The following ATP9A variants were observed in gnomAD, a reference collection of about 807,000 sequenced individuals.
The protein encoded by ATP9A is ATPase phospholipid transporting 9A.
ATP9A carries 52 observed loss-of-function variants against 144.1 expected under a neutral mutation model. The ratio of observed to expected loss-of-function variants is 0.36; its 90% confidence interval spans 0.29 to 0.45. The LOEUF is 0.45. Among genes scored for constraint, ATP9A ranks in the 20% least tolerant of loss-of-function variants. The probability of loss-of-function intolerance (pLI) is 1.00; values close to 1 mark genes in which losing one functional copy is unlikely to be tolerated. For missense variants in ATP9A, 947 were observed against 1,392.7 expected, an observed-to-expected ratio of 0.68 and a Z score of 5.09; for synonymous variants, 582 against 557.4, an observed-to-expected ratio of 1.04 and a Z score of -0.62.
At chr20:51,613,294 C>T (rs1367751251) in intron 23 of ATP9A, among the ~76,000 whole-genome samples, 1 of 152,182 alleles carries the variant, frequency 6.6e-6, no homozygotes, top group Non-Finnish European at 1.5e-5. Flanking sequence ...TCTTTCACTC[C>T]AGCAAACAAA....
chr20:51,642,233 C>A (rs1327579634), intron 14 of ATP9A, among the ~76,000 whole-genome samples: 1 of 151,962 alleles, frequency 6.6e-6, no homozygotes, highest in Non-Finnish European at 1.5e-5. Context: ...CGGCTCATTG[C>A]AACCTCCACC....
At chr20:51,649,055 A>G (rs2077353476) in intron 14 of ATP9A, among the ~76,000 whole-genome samples, 1 of 152,092 alleles carries the variant, frequency 6.6e-6, no homozygotes, top group Non-Finnish European at 1.5e-5. Flanking sequence ...TCCCCAGATG[A>G]GAAAAGAGGG....
At chr20:51,660,115 C>T (rs1222338211) in intron 13 of ATP9A, among the ~76,000 whole-genome samples, 4 of 152,162 alleles carry the variant, frequency 2.6e-5, no homozygotes, top group Non-Finnish European at 2.9e-5. Flanking sequence ...GTTCTAGCCA[C>T]GAACACGTGT....
At chr20:51,629,116 C>G in intron 15 of ATP9A, 44 bp from the exon 16 acceptor site, 1 of 1,501,896 alleles carries the variant, frequency 6.7e-7, no homozygotes, top group Non-Finnish European at 9.3e-7. Context: ...AAAGGAACAC[C>G]CTCTTTCAGC....
intron 21 of ATP9A, among the ~76,000 whole-genome samples, chr20:51,617,997 A>G (rs2077210383): frequency 6.6e-6 from 1 of 152,204 alleles, no homozygotes; most frequent in African/African-American, 2.4e-5. Flanking sequence ...AGGCAGGCAG[A>G]TCACCTGAGG....
At chr20:51,719,058 G>A (rs1234539453) in intron 3 of ATP9A, among the ~76,000 whole-genome samples, 1 of 151,390 alleles carries the variant, frequency 6.6e-6, no homozygotes, top group Non-Finnish European at 1.5e-5. Context: ...AACCCGGGAG[G>A]TGGAGGATGC....
At chr20:51,668,951 C>T (rs1333807506) in intron 13 of ATP9A, among the ~76,000 whole-genome samples, 1 of 152,204 alleles carries the variant, frequency 6.6e-6, no homozygotes, top group African/African-American at 2.4e-5. Context: ...CTGCCTTTAA[C>T]CTGTATACAG....
At chr20:51,709,092 T>C (rs1445671485) in intron 4 of ATP9A, among the ~76,000 whole-genome samples, 2 of 152,258 alleles carry the variant, frequency 1.3e-5, no homozygotes, top group African/African-American at 2.4e-5. Flanking sequence ...CTGTGTTATA[T>C]AAGAGAAACG....
intron 15 of ATP9A, among the ~76,000 whole-genome samples, chr20:51,638,699 T>C (rs1336162349): frequency 6.6e-6 from 1 of 152,050 alleles, no homozygotes; most frequent in East Asian, 1.9e-4. Flanking sequence ...CCTGTATCTA[T>C]AAAAAATTAA....
chr20:51,625,817 T>A (rs1471757638), intron 17 of ATP9A, among the ~76,000 whole-genome samples: 1 of 152,216 alleles, frequency 6.6e-6, no homozygotes, highest in Non-Finnish European at 1.5e-5. Flanking sequence ...AACTGCCGCT[T>A]CTTCTCTTTA....
At chr20:51,635,799 G>A (rs1396339197) in intron 15 of ATP9A, among the ~76,000 whole-genome samples, 2 of 12,674 alleles carry the variant, frequency 1.6e-4, no homozygotes, top group African/African-American at 2.5e-4. Flanking sequence ...CAGAGGAGGG[G>A]AGGAGGAAGG....
chr20:51,614,769 G>A (rs947297638), intron 22 of ATP9A, among the ~76,000 whole-genome samples: 3 of 152,096 alleles, frequency 2.0e-5, no homozygotes, highest in Admixed American at 1.3e-4. Flanking sequence ...ACTGTGTGCC[G>A]TGAGACACTA....
chr20:51,762,748 T>C (rs992057014), intron 1 of ATP9A, among the ~76,000 whole-genome samples: 23 of 146,308 alleles, frequency 1.6e-4, no homozygotes, highest in African/African-American at 5.8e-4. Flanking sequence ...CTCACTCTGT[T>C]GCCGAGGCTG....
Position 51,712,990 on chromosome 20 carries a change from C to G in ATP9A, c.412G>C (p.Val138Leu), listed in dbSNP as rs1293781933. ...YVRDKEVNSQVYSRLTARGTV... is the reference protein window; with the variant it reads ...YVRDKEVNSQLYSRLTARGTV... ...CCTCGTGCTGTGAGCCGGCTGTAGA[C>G]CTGGGAGTTGACTTCCTTGTCCCGC... Residue 138 changes from valine (V) to leucine (L), a missense_variant, in exon 4 of 28, where the codon GTC becomes CTC. Val to Leu is a conservative substitution (Grantham distance 32). This residue lies in a region of ATP9A where 770 missense variants were observed against 1,047.9 expected (regional missense o/e 0.73). Coordinates refer to ENST00000338821, the MANE Select transcript of ATP9A (RefSeq NM_006045.3). 6.2e-7 allele frequency: 1 copy of G among 1,612,508 alleles called. No homozygotes were observed. The highest frequency in any genetic ancestry group is 8.5e-7 in the Non-Finnish European group (1 of 1,179,356).
chr20:51,604,216 G>A (rs1371227837), intron 27 of ATP9A, among the ~76,000 whole-genome samples: 1 of 152,178 alleles, frequency 6.6e-6, no homozygotes, highest in Non-Finnish European at 1.5e-5. Context: ...TTCCCAACGA[G>A]AAGGGCAGCT....
At position 51,611,634 on chromosome 20, in the gene ATP9A, T is replaced by G. The variant is rs1432763679; in HGVS notation, c.2572-1469A>C. ...CAATGCCTCATCCTGGAATTCTTTT[T>G]CTACATCAATGTTAACAGTAACATC... On this transcript the variant is annotated intron_variant, in intron 23 of 27. Transcript: ENST00000338821. The surrounding 1 kb of genome is among the most constrained non-coding windows in gnomAD (Gnocchi z 4.2). Among the ~76,000 whole-genome samples, 2 of 152,202 alleles carry G rather than the reference T, an allele frequency of 1.3e-5. No individual in the cohort carries two copies. The highest frequency in any genetic ancestry group is 1.3e-4 in the Admixed American group (2 of 15,280).
intron 1 of ATP9A, among the ~76,000 whole-genome samples, chr20:51,753,111 A>G (rs1289907297): frequency 6.6e-6 from 1 of 151,718 alleles, no homozygotes; most frequent in Non-Finnish European, 1.5e-5. Flanking sequence ...TCAAAAAAAA[A>G]AAGAAAGAAA....
At chr20:51,659,498 A>G (rs1022749945) in intron 13 of ATP9A, among the ~76,000 whole-genome samples, 1 of 152,238 alleles carries the variant, frequency 6.6e-6, no homozygotes, top group Admixed American at 6.5e-5. Context: ...CAACTATGAA[A>G]TCGACATCAG....
chr20:51,688,872 TCTC>T (rs2122814598), intron 9 of ATP9A, among the ~76,000 whole-genome samples, 189 bp downstream of exon 9: 1 of 152,222 alleles, frequency 6.6e-6, no homozygotes, highest in Non-Finnish European at 1.5e-5. Context: ...CACGCGGGCT[TCTC>T]CTCCAGGCAT....
Sources: gnomAD v4.1 joint callset for allele counts (sites outside exome capture counted in the v4.1 genomes callset) on GRCh38, gnomAD v4.1.1 for gene constraint, gnomAD v4.1.1 regional missense constraint, Gnocchi (gnomAD v3.1) non-coding constraint, MANE v1.5 for transcripts, NCBI Gene and HGNC (gene_info 2026-07-23, HGNC 2026-07-21) for gene names.